SLC25A21: variants seen among roughly 807,000 people sequenced by gnomAD.
The protein encoded by SLC25A21 is mitochondrial 2-oxodicarboxylate carrier.
Under a neutral mutation model 43.8 loss-of-function variants are expected in SLC25A21, and 47 were observed. That is an observed-to-expected ratio of 1.07 (90% CI 0.85 to 1.37). The LOEUF is 1.37. Among genes scored for constraint, SLC25A21 ranks in the 40% most tolerant of loss-of-function variants. SLC25A21 has a pLI of 0.00. For missense variants in SLC25A21, 352 were observed against 350.2 expected, an observed-to-expected ratio of 1.00 and a Z score of -0.04; for synonymous variants, 131 against 121.3, an observed-to-expected ratio of 1.08 and a Z score of -0.52.
intron 1 of SLC25A21, among the ~76,000 whole-genome samples, chr14:37,072,179 CAAAAAAA>C (rs36060373): frequency 3.8e-5 from 3 of 79,032 alleles, no homozygotes; most frequent in African/African-American, 1.4e-4. Context: ...GAGACTGTCT[CAAAAAAA>C]AAAAAAAAAA....
chr14:36,830,355 G>A (rs1040020130), intron 2 of SLC25A21, among the ~76,000 whole-genome samples: 1 of 152,200 alleles, frequency 6.6e-6, no homozygotes, highest in African/African-American at 2.4e-5. Context: ...AGTGTGAAAA[G>A]TGCCTCATTC....
Position 36,679,962 on chromosome 14 carries a change from T to TAAACACTG in SLC25A21, c.*695_*696insCAGTGTTT. 2.3e-6 allele frequency: 2 copies of TAAACACTG among 877,244 alleles called. No individual in the cohort carries two copies. The highest frequency in any genetic ancestry group is 2.7e-6 in the Non-Finnish European group (2 of 732,628). The allele number at this position is 877,244 out of a possible 1,614,324, so 54.3% of individuals were successfully genotyped here. A position where few individuals can be genotyped will look rare whatever the true frequency, so the allele number is the denominator to read the frequency against. On this transcript the variant is annotated 3_prime_UTR_variant, in exon 10 of 10. Coordinates refer to ENST00000331299, the MANE Select transcript of SLC25A21 (RefSeq NM_030631.4). ...TTTAAACATGCTTAAACAACAGTGT[T>TAAACACTG]TTAACATTCTGTTTTAAACAATGTT...
intron 3 of SLC25A21, among the ~76,000 whole-genome samples, chr14:36,764,036 A>AAAAGAGAGAAAGAAAGAAAGAAAGAAAG (rs1886266575): frequency 3.9e-5 from 1 of 25,626 alleles, no homozygotes; most frequent in African/African-American, 1.9e-4. Context: ...GAAAGAAAGA[A>AAAAGAGAGAAAGAAAGAAAGAAAGAAAG]AAAGAAAGAA....
At chr14:37,088,342 C>G (rs1211208176) in intron 1 of SLC25A21, among the ~76,000 whole-genome samples, 2 of 152,050 alleles carry the variant, frequency 1.3e-5, no homozygotes, top group African/African-American at 4.8e-5. Context: ...CCTAATTATA[C>G]AAAGTAAAGA....
intron 1 of SLC25A21, among the ~76,000 whole-genome samples, chr14:36,909,006 G>C (rs895114625): frequency 6.6e-6 from 1 of 152,128 alleles, no homozygotes; most frequent in Non-Finnish European, 1.5e-5. Context: ...AATAATCCAG[G>C]CAAGAGTGTC....
chr14:36,964,419 T>C (rs187015585), intron 1 of SLC25A21, among the ~76,000 whole-genome samples: 118 of 152,316 alleles, frequency 7.7e-4, no homozygotes, highest in African/African-American at 2.7e-3. Flanking sequence ...GAATGCCTAC[T>C]TCAAGTGTTA....
At chr14:36,793,876 C>T (rs1434001974) in intron 3 of SLC25A21, among the ~76,000 whole-genome samples, 1 of 146,902 alleles carries the variant, frequency 6.8e-6, no homozygotes, top group African/African-American at 2.5e-5. Flanking sequence ...AACTCACACA[C>T]ACCTTCAAGA....
At chr14:36,762,450 C>T (rs144444374) in intron 3 of SLC25A21, among the ~76,000 whole-genome samples, 6 of 152,304 alleles carry the variant, frequency 3.9e-5, no homozygotes, top group African/African-American at 1.2e-4. Context: ...GTTCTGGGAA[C>T]GGCAGCCATG....
In SLC25A21 at chr14:36,756,189, T is replaced by C. The variant is rs1885920914; in HGVS notation, c.204-21616A>G. ...TGTCCATGTGATCCCTGCCAGGGCC[T>C]GGGTGGAGAAGGGAAGCGGGGGCAG... On this transcript the variant is annotated intron_variant, in intron 3 of 9. Transcript: ENST00000331299. Among the ~76,000 whole-genome samples, 3 of 152,102 alleles carry C rather than the reference T, an allele frequency of 2.0e-5. No homozygotes were observed. In the South Asian group the frequency reaches 6.2e-4, roughly 32 times the overall value.
At chr14:37,151,291 T>C (rs1459981550) in intron 1 of SLC25A21, among the ~76,000 whole-genome samples, 2 of 152,208 alleles carry the variant, frequency 1.3e-5, no homozygotes, top group Non-Finnish European at 2.9e-5. Context: ...ATCTTATTAG[T>C]TGTGTGCGAA....
chr14:37,039,214 G>A (rs1436815631), intron 1 of SLC25A21, among the ~76,000 whole-genome samples: 1 of 152,152 alleles, frequency 6.6e-6, no homozygotes, highest in African/African-American at 2.4e-5. Flanking sequence ...AATACTGAAA[G>A]GCATTCATTG....
rs565371663 is a variant in SLC25A21, at chr14:37,125,480, C to T, written c.70+46801G>A. Among the ~76,000 whole-genome samples, 5 of 152,210 alleles carry T rather than the reference C, an allele frequency of 3.3e-5. No individual in the cohort carries two copies. The South Asian group carries it at 1.0e-3, about 32-fold the overall frequency. On this transcript the variant is annotated intron_variant, in intron 1 of 9. Coordinates refer to ENST00000331299, the MANE Select transcript of SLC25A21 (RefSeq NM_030631.4). ...GATGATCTCCAAGTCCCTTCTAATGCTAGATTTTATTATTTGGGATTCAAA... is the reference window on the plus strand; with the variant it reads ...GATGATCTCCAAGTCCCTTCTAATGTTAGATTTTATTATTTGGGATTCAAA...
intron 4 of SLC25A21, among the ~76,000 whole-genome samples, chr14:36,731,224 C>G (rs909776005): frequency 6.6e-6 from 1 of 152,160 alleles, no homozygotes; most frequent in African/African-American, 2.4e-5. Flanking sequence ...CCGACCGCCT[C>G]GGCCTCCCAA....
At chr14:36,926,632 G>A (rs1892140713) in intron 1 of SLC25A21, among the ~76,000 whole-genome samples, 1 of 152,142 alleles carries the variant, frequency 6.6e-6, no homozygotes, top group African/African-American at 2.4e-5. Flanking sequence ...ATGTGAAAGA[G>A]TGTTTGGACG....
In SLC25A21 at chr14:36,679,868, C is replaced by CTA. The variant is rs1266318418; in HGVS notation, c.*788_*789dup. The CTA allele has an allele frequency of 1.0e-6, 1 of 981,960 alleles. No individual in the cohort carries two copies. Among genetic ancestry groups the CTA allele is most frequent in the African/African-American group, 1.8e-5 (1 of 57,112 alleles). 60.8% of individuals were successfully genotyped at this position (981,960 alleles called of 1,614,324 possible). A position where few individuals can be genotyped will look rare whatever the true frequency, so the allele number is the denominator to read the frequency against. ...CAACAAAACTTATCTTCAAAGAGAA[C>CTA]TATGTGGAGGAAAGTAAATTTTATT... On this transcript the variant is annotated 3_prime_UTR_variant, in exon 10 of 10. Coordinates refer to ENST00000331299, the MANE Select transcript of SLC25A21 (RefSeq NM_030631.4).
At chr14:37,049,871 C>T (rs1447418108) in intron 1 of SLC25A21, among the ~76,000 whole-genome samples, 1 of 152,162 alleles carries the variant, frequency 6.6e-6, no homozygotes, top group Non-Finnish European at 1.5e-5. Flanking sequence ...CATGTATTTA[C>T]ACTTAAAGCA....
intron 3 of SLC25A21, among the ~76,000 whole-genome samples, chr14:36,766,564 A>G (rs1214415780): frequency 6.6e-6 from 1 of 151,962 alleles, no homozygotes; most frequent in Non-Finnish European, 1.5e-5. Flanking sequence ...TTTCCAATTT[A>G]TCTCCTTTTC....
intron 1 of SLC25A21, among the ~76,000 whole-genome samples, chr14:37,078,528 A>G (rs1466014115): frequency 6.6e-6 from 1 of 152,206 alleles, no homozygotes; most frequent in Non-Finnish European, 1.5e-5. Flanking sequence ...ATAAAAAAGA[A>G]GAGTGGTTTT....
At chr14:37,153,218 A>AT (rs1232474721) in intron 1 of SLC25A21, among the ~76,000 whole-genome samples, 1 of 152,234 alleles carries the variant, frequency 6.6e-6, no homozygotes, top group African/African-American at 2.4e-5. Flanking sequence ...CACACCATTT[A>AT]TAAGACCTAA....
Sources: gnomAD v4.1 joint callset for allele counts (sites outside exome capture counted in the v4.1 genomes callset) on GRCh38, gnomAD v4.1.1 for gene constraint, MANE v1.5 for transcripts, NCBI Gene and HGNC (gene_info 2026-07-23, HGNC 2026-07-21) for gene names.